ELMO2: variants seen among roughly 807,000 people sequenced by gnomAD.
ELMO2 encodes the protein engulfment and cell motility protein 2.
ELMO2 carries 37 observed loss-of-function variants against 96.2 expected under a neutral mutation model. That is an observed-to-expected ratio of 0.38 (90% CI 0.30 to 0.51). The LOEUF (loss-of-function observed/expected upper bound fraction) is 0.51. Ranked by LOEUF, ELMO2 falls within the 20% of genes least tolerant of loss-of-function variation. The pLI is 0.88. For missense variants in ELMO2, 561 were observed against 912.6 expected (o/e 0.61, Z 4.96); for synonymous variants, 315 against 329.4 (o/e 0.96, Z 0.47).
At chr20:46,405,843 C>T (rs2060427917) in intron 1 of ELMO2, among the ~76,000 whole-genome samples, 1 of 152,138 alleles carries the variant, frequency 6.6e-6, no homozygotes, top group African/African-American at 2.4e-5. Flanking sequence ...GAGATCGCGC[C>T]ATTGCACTCC....
At position 46,373,684 on chromosome 20, in the gene ELMO2, C is replaced by T. The variant is rs781767267; in HGVS notation, c.1280-149G>A. 2.8e-5 allele frequency: 28 copies of T among 986,472 alleles called. 1 individual carries two copies. The highest frequency in any genetic ancestry group is 1.8e-4 in the East Asian group (7 of 37,868). 61.1% of individuals were successfully genotyped at this position (986,472 alleles called of 1,614,324 possible). A position where few individuals can be genotyped will look rare whatever the true frequency, so the allele number is the denominator to read the frequency against. ...GGGAGCGTGGGATGGGCGTTTCTCA[C>T]GTCCTTAGCTTTCTTCTCCAGGGTG... On this transcript the variant is annotated intron_variant, in intron 15 of 21. Transcript: ENST00000290246.
chr20:46,403,866 T>C (rs1454202783), intron 1 of ELMO2, among the ~76,000 whole-genome samples: 2 of 152,136 alleles, frequency 1.3e-5, no homozygotes, highest in Non-Finnish European at 2.9e-5. Context: ...GGCGGGTCAC[T>C]TGAGATCAGG....
chr20:46,384,017 T>C (rs1438191973), intron 9 of ELMO2, among the ~76,000 whole-genome samples: 1 of 152,200 alleles, frequency 6.6e-6, no homozygotes, highest in African/African-American at 2.4e-5. Flanking sequence ...ACTACCCTTT[T>C]AGAAAAATCT....
intron 1 of ELMO2, among the ~76,000 whole-genome samples, chr20:46,399,207 T>C (rs758397445): frequency 6.6e-6 from 1 of 152,158 alleles, no homozygotes; most frequent in Non-Finnish European, 1.5e-5. Context: ...TTCTGGTTTG[T>C]GTATCTGAAA....
intron 11 of ELMO2, among the ~76,000 whole-genome samples, chr20:46,378,944 C>T (rs1310890093): frequency 6.6e-6 from 1 of 152,130 alleles, no homozygotes; most frequent in East Asian, 1.9e-4. Flanking sequence ...CATTTTATTC[C>T]CTTCACTGTG....
intron 1 of ELMO2, among the ~76,000 whole-genome samples, chr20:46,401,057 T>C (rs1337296752): frequency 6.6e-6 from 1 of 152,236 alleles, no homozygotes; most frequent in Non-Finnish European, 1.5e-5. Context: ...TGTTCAGTTA[T>C]TTGGCTTTTG....
intron 11 of ELMO2, among the ~76,000 whole-genome samples, chr20:46,377,265 A>G (rs773784692): frequency 6.6e-6 from 1 of 152,240 alleles, no homozygotes; most frequent in Non-Finnish European, 1.5e-5. Context: ...TGTCTTATTA[A>G]TAATATTTCA....
chr20:46,396,501 C>G (rs1223747720), intron 2 of ELMO2, among the ~76,000 whole-genome samples: 1 of 152,158 alleles, frequency 6.6e-6, no homozygotes, highest in Non-Finnish European at 1.5e-5. Context: ...TTTCATCACC[C>G]TAGAAAATTA....
At chr20:46,380,831 G>A (rs2059943331) in intron 10 of ELMO2, among the ~76,000 whole-genome samples, 2 of 152,188 alleles carry the variant, frequency 1.3e-5, no homozygotes, top group Non-Finnish European at 2.9e-5. Flanking sequence ...AACTGGCTTA[G>A]AGAACAATGA....
At chr20:46,395,831 A>AT (rs748239377) in intron 2 of ELMO2, among the ~76,000 whole-genome samples, 85 of 152,222 alleles carry the variant, frequency 5.6e-4, no homozygotes, top group Non-Finnish European at 8.7e-4. Context: ...GCTTTCACTT[A>AT]TTTTATTGTG....
At position 46,374,332 on chromosome 20, in the gene ELMO2, G is replaced by A. The variant is rs2059806938; in HGVS notation, c.1279C>T (p.Pro427Ser). The stretch of plus-strand genomic sequence containing the variant: ...AGAAGAGGGAGCTGCAGAGACTTAC[G>A]TAGTTCCCCAACCTGCAGGATTTCA... ...LCEILQVGEL[P>S]NEGRNDYHPM... The change falls in exon 15 of 22, where the codon CCA becomes TCA. Residue 427 changes from proline to serine, a missense_variant and splice_region_variant. Physicochemically the swap from Pro to Ser is moderately conservative, Grantham distance 74 (BLOSUM62 -1). Transcript: ENST00000290246. 3 of 1,612,686 alleles carry A rather than the reference G, an allele frequency of 1.9e-6. No individual in the cohort carries two copies. The highest frequency in any genetic ancestry group is 1.7e-6 in the Non-Finnish European group (2 of 1,178,846).
chr20:46,389,669 G>A (rs1186081767), intron 6 of ELMO2, among the ~76,000 whole-genome samples: 5 of 152,076 alleles, frequency 3.3e-5, no homozygotes, highest in African/African-American at 1.2e-4. Context: ...CCAACAGAGT[G>A]ACACCCTGAC....
At position 46,393,466 on chromosome 20, in the gene ELMO2, G is replaced by T. The variant is rs753100114; in HGVS notation, c.192+63C>A. The T allele has an allele frequency of 1.6e-4, 253 of 1,545,240 alleles. 1 individual carries two copies. The highest frequency in any genetic ancestry group is 1.8e-4 in the Non-Finnish European group (205 of 1,122,156). On this transcript the variant is annotated intron_variant, in intron 5 of 21. Transcript: ENST00000290246. ...ATGCTGAGTGAAGATAAATAGTGCC[G>T]TCTCCTTGGGTCGTTTAATTCCAAG...
chr20:46,386,348 A>G (rs2060043767), intron 8 of ELMO2, 73 bp from the exon 9 acceptor site: 1 of 1,566,928 alleles, frequency 6.4e-7, no homozygotes, highest in Admixed American at 1.8e-5. Flanking sequence ...ATCTGATGCT[A>G]GCCCTTGAAG....
In ELMO2 at chr20:46,388,726, C is replaced by T. The variant is rs80102176; in HGVS notation, c.425+313G>A. Among the ~76,000 whole-genome samples the T allele has an allele frequency of 6.8e-3, 1,029 of 152,262 alleles. 22 individuals are homozygous for T. The highest frequency in any genetic ancestry group is 0.024 in the African/African-American group (977 of 41,546). On this transcript the variant is annotated intron_variant, in intron 7 of 21. Transcript: ENST00000290246. ...TAACCCTCATCAAACCAAACATTTC[C>T]AGCAATTAACAGGTCTGTCACGACG...
rs765118002 is a variant in ELMO2 at position 46,374,663 on chromosome 20, T to C, written c.1066-23A>G. On this transcript the variant is annotated intron_variant, in intron 13 of 21. Coordinates refer to ENST00000290246, the MANE Select transcript of ELMO2 (RefSeq NM_133171.5). ...GTTCTAGAGAAATAAAGACACCCAA[T>C]TTGAGATGCGGCAGTCTCCGTGTAT... The C allele has an allele frequency of 1.8e-5, 29 of 1,609,312 alleles. No individual in the cohort carries two copies. The Admixed American group carries it at 4.8e-4, about 27-fold the overall frequency.
intron 21 of ELMO2, 39 bp from the exon 22 acceptor site, chr20:46,367,599 C>T: frequency 1.3e-6 from 2 of 1,535,060 alleles, no homozygotes; most frequent in Non-Finnish European, 1.8e-6. Context: ...ATCGTGACCC[C>T]TGGTCAGCAG....
chr20:46,386,397 G>T, intron 8 of ELMO2, 122 bp from the exon 9 acceptor site: 1 of 1,358,538 alleles, frequency 7.4e-7, no homozygotes, highest in Non-Finnish European at 1.0e-6. Context: ...TTGCTAGGTG[G>T]ATAGTGGTAT....
Position 46,383,513 on chromosome 20 carries a change from AAG to A in ELMO2, c.678-21_678-20del, listed in dbSNP as rs1568766729. 6.2e-7 allele frequency: 1 copy of A among 1,606,922 alleles called. No homozygotes were observed. The highest frequency in any genetic ancestry group is 8.5e-7 in the Non-Finnish European group (1 of 1,173,464). On this transcript the variant is annotated intron_variant, in intron 9 of 21. Transcript: ENST00000290246. ...GTTGGAGCTGTGTCAATGGAGAAAG[AAG>A]AGAGAGGGAGATTAGAAGACTGAAC...
Sources: allele counts gnomAD v4.1 joint callset (sites outside exome capture counted in the v4.1 genomes callset), GRCh38; gene constraint gnomAD v4.1.1; transcripts MANE v1.5; gene names NCBI Gene and HGNC (gene_info 2026-07-23, HGNC 2026-07-21).